CSF1R: variants seen among roughly 807,000 people sequenced by gnomAD.
CSF1R encodes the protein macrophage colony-stimulating factor 1 receptor.
Under a neutral mutation model 110.0 loss-of-function variants are expected in CSF1R, and 40 were observed. The observed-to-expected ratio is 0.36, with a 90% CI of 0.28 to 0.47. The LOEUF is 0.47. Ranked by LOEUF, CSF1R falls within the 20% of genes least tolerant of loss-of-function variation. CSF1R has a pLI of 0.99. For synonymous variants in CSF1R, 523 were observed against 503.4 expected, an observed-to-expected ratio of 1.04 and a Z score of -0.52; for missense variants, 1,052 against 1,253.0, an observed-to-expected ratio of 0.84 and a Z score of 2.42.
At position 150,079,807 on chromosome 5, in the gene CSF1R, T is replaced by C. The variant is rs114652686; in HGVS notation, c.592+245A>G. On this transcript the variant is annotated intron_variant, in intron 3 of 20. Transcript: ENST00000675795. ...ATGTTGAATGTTTATTTTTGTAGCA[T>C]GTCCAATGACTTGAGATGACCTTGC... Among the ~76,000 whole-genome samples, 1,187 of 152,380 alleles carry C rather than the reference T, an allele frequency of 7.8e-3. 17 individuals carry two copies. The highest frequency in any genetic ancestry group is 0.027 in the African/African-American group (1,127 of 41,586).
intron 1 of CSF1R, chr5:150,094,603 T>G: frequency 6.4e-7 from 1 of 1,571,348 alleles, no homozygotes; most frequent in Non-Finnish European, 8.7e-7. Flanking sequence ...ATCAATGGAG[T>G]GAGCCCAAAG....
upstream of CSF1R, chr5:150,086,683 G>C (rs1205924509): frequency 2.2e-6 from 1 of 449,960 alleles, no homozygotes. Flanking sequence ...CAAGAGGGAG[G>C]GGTCGCAGTC....
intron 1 of CSF1R, among the ~76,000 whole-genome samples, chr5:150,082,517 C>T (rs1409285539): frequency 6.6e-6 from 1 of 152,236 alleles, no homozygotes; most frequent in Non-Finnish European, 1.5e-5. Flanking sequence ...GTGCAACTGC[C>T]AGGAAGAGGG....
intron 5 of CSF1R, among the ~76,000 whole-genome samples, chr5:150,075,894 C>T (rs574373193): frequency 6.6e-6 from 1 of 152,360 alleles, no homozygotes; most frequent in South Asian, 2.1e-4. Flanking sequence ...CACAGCAGAG[C>T]TCACAATCTG....
chr5:150,107,673 A>G (rs1759594584), intron 1 of CSF1R, among the ~76,000 whole-genome samples: 1 of 152,270 alleles, frequency 6.6e-6, no homozygotes, highest in African/African-American at 2.4e-5. Context: ...AGGGGCTCTC[A>G]GGAGGATCGA....
chr5:150,112,615 C>A (rs191001196), intron 1 of CSF1R, among the ~76,000 whole-genome samples: 2 of 152,222 alleles, frequency 1.3e-5, no homozygotes, highest in African/African-American at 4.8e-5. Context: ...AAGGCAGATC[C>A]GGGTATCACC....
Position 150,070,205 on chromosome 5 carries a change from C to T in CSF1R, c.1296G>A (p.Leu432=), listed in dbSNP as rs1417418941. The change falls in exon 8 of 21, where the codon CTG becomes CTA. Residue 432 remains leucine (L), a synonymous_variant. Coordinates refer to ENST00000675795, the MANE Select transcript of CSF1R (RefSeq NM_001288705.3). ...SGYPQPNVTW[L]QCSGHTDRCD... Reference sequence around the variant, plus strand: ...ACCTATCAGTGTGGCCACTGCACTGCAGCCATGTCACGTTGGGCTGGGGGT... The same window carrying T: ...ACCTATCAGTGTGGCCACTGCACTGTAGCCATGTCACGTTGGGCTGGGGGT... 6.2e-7 allele frequency: 1 copy of T among 1,614,108 alleles called. No homozygotes were observed. The highest frequency in any genetic ancestry group is 1.3e-5 in the African/African-American group (1 of 75,048).
At chr5:150,057,142 G>T in intron 16 of CSF1R, 145 bp downstream of exon 16, 1 of 672,368 alleles carries the variant, frequency 1.5e-6, no homozygotes, top group Non-Finnish European at 2.5e-6. Flanking sequence ...CATCCTTGCA[G>T]CTGCTGCCCA....
intron 1 of CSF1R, among the ~76,000 whole-genome samples, chr5:150,111,546 C>T (rs1477610725): frequency 2.6e-5 from 4 of 152,224 alleles, no homozygotes; most frequent in African/African-American, 4.8e-5. Flanking sequence ...CTTTCCTATC[C>T]TTTCTCTTGG....
At position 150,055,294 on chromosome 5, in the gene CSF1R, T is replaced by C; in HGVS notation, c.2597A>G (p.Tyr866Cys). Residue 866 changes from tyrosine to cysteine, a missense_variant, in exon 19 of 21, where the codon TAT (tyrosine) becomes TGT (cysteine). Tyr to Cys is a radical substitution (Grantham distance 194). This residue lies in a region of CSF1R where 74 missense variants were observed against 187.4 expected (regional missense o/e 0.39). Coordinates refer to ENST00000675795, the MANE Select transcript of CSF1R (RefSeq NM_001288705.3). ...TTGGTATCCATCCTTCACCAGTTTA[T>C]AGAACTTGCTGTTCACCAGGATGCC... is the stretch of plus-strand genomic sequence containing the variant. ...YPGILVNSKFYKLVKDGYQMA... is the reference protein window; with the variant it reads ...YPGILVNSKFCKLVKDGYQMA... 2 of 1,614,230 alleles carry C rather than the reference T, an allele frequency of 1.2e-6. No homozygotes were observed. The highest frequency in any genetic ancestry group is 1.7e-6 in the Non-Finnish European group (2 of 1,180,020).
intron 1 of CSF1R, among the ~76,000 whole-genome samples, chr5:150,108,145 A>G (rs955983494): frequency 6.6e-6 from 1 of 152,218 alleles, no homozygotes; most frequent in Non-Finnish European, 1.5e-5. Context: ...GAGGCGTAAG[A>G]GTGCACAGGG....
intron 14 of CSF1R, among the ~76,000 whole-genome samples, chr5:150,058,600 T>C (rs113758833): frequency 4.6e-5 from 7 of 152,352 alleles, no homozygotes; most frequent in African/African-American, 1.7e-4. Context: ...TACTTTCCTT[T>C]GGTGCTCATT....
At position 150,110,043 on chromosome 5, in the gene CSF1R, C is replaced by A. The variant is rs572474264; in HGVS notation, c.-181+3218G>T. 7.7e-3 allele frequency among the ~76,000 whole-genome samples: 1,126 copies of A among 145,532 alleles called. 5 individuals carry two copies. Among genetic ancestry groups the A allele is most frequent in the Admixed American group, 0.012 (179 of 14,520 alleles). Reference sequence around the variant, plus strand: ...CCTTGCTTCTGGTTTCAGTAAACAACTTTCCCACCAGTCCTAATCAGTTCA... The same window carrying A: ...CCTTGCTTCTGGTTTCAGTAAACAAATTTCCCACCAGTCCTAATCAGTTCA... On this transcript the variant is annotated intron_variant, in intron 1 of 21. Transcript: ENST00000286301.
chr5:150,099,100 G>A (rs1184567467), intron 1 of CSF1R, among the ~76,000 whole-genome samples: 1 of 136,420 alleles, frequency 7.3e-6, no homozygotes, highest in Non-Finnish European at 1.5e-5. Context: ...GGAGAGACAT[G>A]TTTCACCATG....
Position 150,081,063 on chromosome 5 carries a change from A to G in CSF1R, c.50-39T>C, listed in dbSNP as rs770430592. ...GGGACAGCAGACAGAAGTGAGGTCTAGGATGCGCCCCTTGGGCCGTCCTGA... is the reference window on the plus strand; with the variant it reads ...GGGACAGCAGACAGAAGTGAGGTCTGGGATGCGCCCCTTGGGCCGTCCTGA... On this transcript the variant is annotated intron_variant, in intron 1 of 20. Coordinates refer to ENST00000675795, the MANE Select transcript of CSF1R (RefSeq NM_001288705.3). The G allele has an allele frequency of 4.4e-6, 7 of 1,609,014 alleles. No homozygotes were observed. In the African/African-American group the frequency reaches 8.0e-5, roughly 18 times the overall value.
chr5:150,076,578 A>G (rs1376547036), intron 5 of CSF1R, among the ~76,000 whole-genome samples: 1 of 151,640 alleles, frequency 6.6e-6, no homozygotes, highest in African/African-American at 2.4e-5. Context: ...CTTTACAATG[A>G]CCTCCCAATA....
upstream of CSF1R, among the ~76,000 whole-genome samples, chr5:150,087,209 C>T (rs188459030): frequency 4.6e-5 from 7 of 152,264 alleles, no homozygotes; most frequent in Admixed American, 3.3e-4. Flanking sequence ...GGGAAATATG[C>T]CCCATCCTCT....
chr5:150,074,322 T>C (rs1429018927), intron 5 of CSF1R, among the ~76,000 whole-genome samples: 1 of 148,900 alleles, frequency 6.7e-6, no homozygotes, highest in Non-Finnish European at 1.5e-5. Context: ...TTTTTTTTTT[T>C]TTTGAAACAG....
intron 1 of CSF1R, among the ~76,000 whole-genome samples, 189 bp from the exon 2 acceptor site, chr5:150,081,213 T>A (rs942113380): frequency 1.3e-5 from 2 of 152,146 alleles, no homozygotes; most frequent in African/African-American, 2.4e-5. Flanking sequence ...GACAGACTGA[T>A]GTCTCTGATG....
Sources: allele counts gnomAD v4.1 joint callset (sites outside exome capture counted in the v4.1 genomes callset), GRCh38; gene constraint gnomAD v4.1.1; regional missense constraint gnomAD v4.1.1; transcripts MANE v1.5; gene names NCBI Gene and HGNC (gene_info 2026-07-23, HGNC 2026-07-21).